PSMB7: variants seen among roughly 807,000 people sequenced by gnomAD.
PSMB7 encodes the protein proteasome 20S subunit beta 7.
PSMB7 carries 5 observed loss-of-function variants against 28.1 expected under a neutral mutation model. The ratio of observed to expected loss-of-function variants is 0.18; its 90% confidence interval spans 0.09 to 0.37. The LOEUF (loss-of-function observed/expected upper bound fraction) is 0.37. Ranked by LOEUF, PSMB7 falls within the 10% of genes least tolerant of loss-of-function variation. The probability of loss-of-function intolerance (pLI) is 1.00; values close to 1 mark genes in which losing one functional copy is unlikely to be tolerated. For missense variants in PSMB7, 275 were observed against 346.2 expected (o/e 0.79, Z 1.63); for synonymous variants, 122 against 123.7 (o/e 0.99, Z 0.09).
chr9:124,386,972 C>A (rs1181688255), intron 5 of PSMB7, among the ~76,000 whole-genome samples: 2 of 152,066 alleles, frequency 1.3e-5, no homozygotes, highest in Non-Finnish European at 2.9e-5. Flanking sequence ...CCTGGCCGGG[C>A]GCGGTGGCTC....
intron 6 of PSMB7, among the ~76,000 whole-genome samples, chr9:124,360,053 A>G (rs1381675054): frequency 6.6e-6 from 1 of 152,242 alleles, no homozygotes; most frequent in African/African-American, 2.4e-5. Flanking sequence ...AACTGCTTCA[A>G]TGCTGAATAC....
At chr9:124,393,720 G>A (rs547023373) in intron 5 of PSMB7, among the ~76,000 whole-genome samples, 1 of 152,320 alleles carries the variant, frequency 6.6e-6, no homozygotes, top group Admixed American at 6.5e-5. Context: ...TGACCTGACA[G>A]GTTATAAACA....
chr9:124,365,505 C>CTT (rs796861021), intron 6 of PSMB7, among the ~76,000 whole-genome samples: 19 of 152,284 alleles, frequency 1.2e-4, no homozygotes, highest in African/African-American at 4.6e-4. Flanking sequence ...ACAGCCCACC[C>CTT]TTTATGCTAA....
At chr9:124,410,826 G>T (rs1467971661) in intron 4 of PSMB7, among the ~76,000 whole-genome samples, 1 of 152,160 alleles carries the variant, frequency 6.6e-6, no homozygotes, top group Non-Finnish European at 1.5e-5. Flanking sequence ...TATCAGGAAG[G>T]CCAGGGCCCT....
chr9:124,411,067 C>A (rs1831023174), intron 4 of PSMB7, among the ~76,000 whole-genome samples: 2 of 152,046 alleles, frequency 1.3e-5, no homozygotes, highest in South Asian at 4.1e-4. Context: ...CCTCCACCTT[C>A]CAGGTTCAAG....
At chr9:124,398,471 G>T in intron 5 of PSMB7, 1 of 361,516 alleles carries the variant, frequency 2.8e-6, no homozygotes. Flanking sequence ...CTTCACAATG[G>T]ACTTGGATTG....
intron 6 of PSMB7, among the ~76,000 whole-genome samples, chr9:124,359,701 T>G (rs1437009939): frequency 6.6e-6 from 1 of 152,130 alleles, no homozygotes; most frequent in Non-Finnish European, 1.5e-5. Flanking sequence ...CTGGGTAAAT[T>G]TAAGAGGAGG....
chr9:124,391,225 G>A (rs1830784096), intron 5 of PSMB7, among the ~76,000 whole-genome samples: 1 of 152,182 alleles, frequency 6.6e-6, no homozygotes, highest in Non-Finnish European at 1.5e-5. Context: ...GGAGAATAAA[G>A]CTCAAAGATA....
At chr9:124,414,612 A>T (rs1831065987) in intron 2 of PSMB7, among the ~76,000 whole-genome samples, 2 of 48,632 alleles carry the variant, frequency 4.1e-5, no homozygotes, top group African/African-American at 1.1e-4. Flanking sequence ...TGACCTGTTT[A>T]AAAAAAAAAA....
At chr9:124,365,320 C>T (rs1486067868) in intron 6 of PSMB7, among the ~76,000 whole-genome samples, 3 of 152,220 alleles carry the variant, frequency 2.0e-5, no homozygotes, top group East Asian at 3.9e-4. Flanking sequence ...ACACGGGTCT[C>T]GTGGGGTGCA....
intron 5 of PSMB7, among the ~76,000 whole-genome samples, chr9:124,390,723 G>T (rs1175539176): frequency 6.6e-6 from 1 of 151,992 alleles, no homozygotes; most frequent in Admixed American, 6.6e-5. Context: ...TCTTCAAAGT[G>T]CAGGCATTAA....
chr9:124,365,721 G>A (rs1364113909), intron 6 of PSMB7, among the ~76,000 whole-genome samples: 1 of 152,186 alleles, frequency 6.6e-6, no homozygotes, highest in East Asian at 1.9e-4. Context: ...CTCGAGACCA[G>A]CCTGGGCAAC....
chr9:124,402,777 G>A (rs1830925046), intron 5 of PSMB7, among the ~76,000 whole-genome samples: 1 of 152,094 alleles, frequency 6.6e-6, no homozygotes, highest in Admixed American at 6.5e-5. Context: ...GTATCAGATG[G>A]GGAGAAATAA....
chr9:124,414,766 A>G, intron 2 of PSMB7, 76 bp downstream of exon 2: 2 of 1,249,678 alleles, frequency 1.6e-6, no homozygotes, highest in South Asian at 1.2e-5. Context: ...CCGAGCCGGG[A>G]GAGACACCGG....
At position 124,413,918 on chromosome 9, in the gene PSMB7, G is replaced by C; in HGVS notation, c.244C>G (p.Pro82Ala). ...CGAATCAATACTTACTAAATATTAG[G>C]AGATATGAAGTGTATTTTTGAACAG... ...KNCSKIHFIS[P>A]NIYCCGAGTA... is the part of the protein sequence containing the mutation. The change falls in exon 3 of 8, where the codon CCT becomes GCT. Residue 82 changes from proline (P) to alanine (A), a missense_variant. By Grantham distance (27) the Pro-to-Ala change is conservative. This residue lies in a region of PSMB7 where 213 missense variants were observed against 302.4 expected (regional missense o/e 0.70). Coordinates refer to ENST00000259457, the MANE Select transcript of PSMB7 (RefSeq NM_002799.4). 6.3e-7 allele frequency: 1 copy of C among 1,597,652 alleles called. No individual in the cohort carries two copies. Among genetic ancestry groups the C allele is most frequent in the Non-Finnish European group, 8.6e-7 (1 of 1,166,240 alleles).
intron 6 of PSMB7, among the ~76,000 whole-genome samples, chr9:124,374,341 C>T (rs149705596): frequency 3.9e-5 from 6 of 152,244 alleles, no homozygotes; most frequent in African/African-American, 9.6e-5. Context: ...TCTGTGAATA[C>T]ACTAAAAACC....
At chr9:124,396,709 C>T (rs932899647) in intron 5 of PSMB7, 1 of 451,620 alleles carries the variant, frequency 2.2e-6, no homozygotes, top group Non-Finnish European at 4.5e-6. Flanking sequence ...CATGTTAATT[C>T]TCTATGTGGA....
chr9:124,409,396 A>C (rs1443779662), intron 4 of PSMB7, among the ~76,000 whole-genome samples: 2 of 152,266 alleles, frequency 1.3e-5, no homozygotes, highest in African/African-American at 4.8e-5. Flanking sequence ...ACAGCATTTC[A>C]CTAACATTTT....
At chr9:124,388,491 CATT>C (rs1225677309) in intron 5 of PSMB7, among the ~76,000 whole-genome samples, 6 of 152,218 alleles carry the variant, frequency 3.9e-5, no homozygotes, top group Non-Finnish European at 7.3e-5. Flanking sequence ...TATTTTAGGT[CATT>C]TCATCATCCT....
Sources: gnomAD v4.1 joint callset for allele counts (sites outside exome capture counted in the v4.1 genomes callset) on GRCh38, gnomAD v4.1.1 for gene constraint, gnomAD v4.1.1 regional missense constraint, MANE v1.5 for transcripts, NCBI Gene and HGNC (gene_info 2026-07-23, HGNC 2026-07-21) for gene names.